RARB: variants seen among roughly 807,000 people sequenced by gnomAD.
RARB encodes the protein HBV-activated protein.
A neutral mutation model predicts 51.9 loss-of-function variants in RARB; 17 were observed. The observed-to-expected ratio is 0.33, with a 90% CI of 0.22 to 0.49. The LOEUF is 0.49. Ranked by LOEUF, RARB falls within the 20% of genes least tolerant of loss-of-function variation. The pLI, the probability that RARB is intolerant of heterozygous loss-of-function variation, is 0.99. For synonymous variants in RARB, 215 were observed against 195.4 expected (o/e 1.10, Z -0.84); for missense variants, 369 against 550.8 (o/e 0.67, Z 3.30).
At chr3:25,372,848 G>A (rs764143824) in intron 5 of RARB, among the ~76,000 whole-genome samples, 6 of 152,034 alleles carry the variant, frequency 3.9e-5, no homozygotes, top group African/African-American at 1.4e-4. Context: ...AAAGAAAAAC[G>A]TAAACTTAAA....
At chr3:25,275,464 A>G (rs1703357607) in intron 5 of RARB, among the ~76,000 whole-genome samples, 1 of 152,160 alleles carries the variant, frequency 6.6e-6, no homozygotes, top group African/African-American at 2.4e-5. Context: ...TGGTCTCAAA[A>G]AACAAAACAA....
chr3:25,043,971 G>A (rs1349068844), intron 2 of RARB, among the ~76,000 whole-genome samples: 11 of 152,066 alleles, frequency 7.2e-5, no homozygotes, highest in Non-Finnish European at 1.5e-4. Context: ...TGGATATGGA[G>A]TGCAAGTCCT....
chr3:25,428,023 A>C (rs1324377560), upstream of RARB, among the ~76,000 whole-genome samples: 1 of 152,152 alleles, frequency 6.6e-6, no homozygotes, highest in Non-Finnish European at 1.5e-5. Context: ...TGCTCATTTT[A>C]AAAGCACTTC....
chr3:25,153,902 G>A (rs1423767047), intron 4 of RARB, among the ~76,000 whole-genome samples: 1 of 152,182 alleles, frequency 6.6e-6, no homozygotes, highest in Non-Finnish European at 1.5e-5. Flanking sequence ...GCCAATTAAA[G>A]AGCCAGGCAA....
intron 2 of RARB, among the ~76,000 whole-genome samples, chr3:25,028,848 C>T (rs1697807876): frequency 1.3e-5 from 2 of 152,180 alleles, no homozygotes. Flanking sequence ...GGAGAGTTGG[C>T]TTTTACTTGT....
intron 5 of RARB, among the ~76,000 whole-genome samples, chr3:25,253,581 T>C (rs1702784459): frequency 1.3e-5 from 2 of 152,076 alleles, no homozygotes; most frequent in Admixed American, 1.3e-4. Context: ...TTTTCAAAGG[T>C]AATAGAAAGG....
intron 2 of RARB, among the ~76,000 whole-genome samples, chr3:24,867,974 T>C (rs1240374602): frequency 1.3e-5 from 2 of 152,280 alleles, no homozygotes; most frequent in East Asian, 3.9e-4. Context: ...GATGCCCATA[T>C]TGAAGTGATC....
At chr3:24,849,993 T>C (rs924290340) in intron 1 of RARB, among the ~76,000 whole-genome samples, 2 of 152,240 alleles carry the variant, frequency 1.3e-5, no homozygotes, top group Admixed American at 6.5e-5. Context: ...GCACAGACAT[T>C]TCTCGCAGTT....
intron 3 of RARB, among the ~76,000 whole-genome samples, chr3:25,501,593 G>A (rs1697319471): frequency 1.3e-5 from 2 of 152,186 alleles, no homozygotes; most frequent in Admixed American, 1.3e-4. Context: ...AGAGCCATTA[G>A]CAGTAACTCA....
chr3:25,198,287 G>T (rs1056888652), intron 5 of RARB, among the ~76,000 whole-genome samples: 2 of 152,010 alleles, frequency 1.3e-5, no homozygotes, highest in Non-Finnish European at 2.9e-5. Context: ...CTGGATTAAA[G>T]ACTTAAATCT....
rs139473062 is a variant in RARB at position 25,465,304 on chromosome 3, T to C, written c.306+3963T>C. On this transcript the variant is annotated intron_variant, in intron 2 of 7. Coordinates refer to ENST00000330688, the MANE Select transcript of RARB (RefSeq NM_000965.5). ...TGATATTTACTATGGGCCCTGTGTG[T>C]GGTATCATTTTAGGATACCAGCAGA... Among the ~76,000 whole-genome samples, 998 of 152,310 alleles carry C rather than the reference T, an allele frequency of 6.6e-3. 9 individuals carry two copies. The highest frequency in any genetic ancestry group is 0.023 in the African/African-American group (946 of 41,558).
intron 5 of RARB, among the ~76,000 whole-genome samples, chr3:25,384,493 A>G (rs1054046119): frequency 6.6e-6 from 1 of 152,212 alleles, no homozygotes; most frequent in African/African-American, 2.4e-5. Flanking sequence ...AAAGGTATAG[A>G]TGGTGATGGC....
At chr3:25,109,481 T>C (rs1699563669) in intron 3 of RARB, among the ~76,000 whole-genome samples, 1 of 152,164 alleles carries the variant, frequency 6.6e-6, no homozygotes, top group African/African-American at 2.4e-5. Flanking sequence ...ACAAAAACAC[T>C]GAAATTTACA....
At chr3:24,922,512 C>T (rs890215135) in intron 2 of RARB, among the ~76,000 whole-genome samples, 5 of 152,046 alleles carry the variant, frequency 3.3e-5, no homozygotes, top group East Asian at 1.9e-4. Flanking sequence ...ATTTTACAGA[C>T]GAGGAAACTG....
intron 3 of RARB, among the ~76,000 whole-genome samples, chr3:25,086,103 A>C (rs1486477492): frequency 6.6e-6 from 1 of 152,182 alleles, no homozygotes; most frequent in South Asian, 2.1e-4. Context: ...GACAGATAAC[A>C]TAATGGAGGT....
chr3:25,064,427 G>A (rs190176933), intron 3 of RARB, among the ~76,000 whole-genome samples: 1 of 152,018 alleles, frequency 6.6e-6, no homozygotes, highest in African/African-American at 2.4e-5. Flanking sequence ...ATCAAAAATA[G>A]CATTTTTAAA....
At chr3:25,464,518 T>A (rs1695336110) in intron 2 of RARB, among the ~76,000 whole-genome samples, 1 of 152,202 alleles carries the variant, frequency 6.6e-6, no homozygotes, top group Non-Finnish European at 1.5e-5. Context: ...GTGGGTGGAT[T>A]GCTCTTCTCC....
At chr3:24,928,381 A>C (rs755509602) in intron 2 of RARB, among the ~76,000 whole-genome samples, 1 of 152,044 alleles carries the variant, frequency 6.6e-6, no homozygotes, top group Non-Finnish European at 1.5e-5. Flanking sequence ...TAAGTAAGAC[A>C]CTAGGACTTA....
At chr3:25,102,751 T>A (rs1392138525) in intron 3 of RARB, among the ~76,000 whole-genome samples, 1 of 151,994 alleles carries the variant, frequency 6.6e-6, no homozygotes, top group Non-Finnish European at 1.5e-5. Flanking sequence ...GCCGTGAGTT[T>A]GTATAAAGAA....
Sources: allele counts gnomAD v4.1 joint callset (sites outside exome capture counted in the v4.1 genomes callset), GRCh38; gene constraint gnomAD v4.1.1; transcripts MANE v1.5; gene names NCBI Gene and HGNC (gene_info 2026-07-23, HGNC 2026-07-21).